Variants in CLSPN observed in about 807,000 individuals in gnomAD.
The protein encoded by CLSPN is claspin, also known as claspin homolog.
CLSPN carries 85 observed loss-of-function variants against 156.3 expected under a neutral mutation model. The observed-to-expected ratio is 0.54, with a 90% confidence interval of 0.46 to 0.65. CLSPN has a LOEUF of 0.65. Among genes scored for constraint, CLSPN ranks in the 30% least tolerant of loss-of-function variants. The pLI is 0.00. For missense variants in CLSPN, 1,407 were observed against 1,554.9 expected (o/e 0.90, Z 1.60); for synonymous variants, 534 against 542.4 (o/e 0.98, Z 0.22).
exon 25 of CLSPN, chr1:35,720,858 C>T: frequency 6.6e-7 from 1 of 1,508,088 alleles, no homozygotes; most frequent in Non-Finnish European, 9.2e-7. Flanking sequence ...AATAGCCCTT[C>T]TCCGCCTCTC....
At chr1:35,725,892 C>T (rs1641174697) in intron 24 of CLSPN, among the ~76,000 whole-genome samples, 1 of 152,026 alleles carries the variant, frequency 6.6e-6, no homozygotes, top group South Asian at 2.1e-4. Context: ...GGAAACATGG[C>T]CCCACAAATC....
Position 35,738,013 on chromosome 1 carries a change from C to A in CLSPN, c.3643G>T (p.Ala1215Ser). 2 of 1,491,448 alleles carry A rather than the reference C, an allele frequency of 1.3e-6. No homozygotes were observed. The highest frequency in any genetic ancestry group is 1.5e-5 in the South Asian group (1 of 67,692). The allele number at this position is 1,491,448 out of a possible 1,614,324, so 92.4% of individuals were successfully genotyped here. ...TCACCATTCTTCTGCAGTGCTTTGG[C>A]TGTAACTTTCTTGGCCAGTATCATA... ...QFMILAKKVT[A>S]KALQKNASRP... The change falls in exon 22 of 25, where the codon GCC becomes TCC. Residue 1215 changes from alanine (A) to serine (S), a missense_variant. By Grantham distance (99) the Ala-to-Ser change is moderately conservative (BLOSUM62 1). Around this residue, in one of 3 missense-constraint regions of CLSPN, gnomAD observed 241 missense variants for 240.5 expected, o/e 1.00. Transcript: ENST00000318121.
chr1:35,748,744 A>G (rs1049354077), intron 12 of CLSPN, 140 bp from the exon 13 acceptor site: 18 of 680,502 alleles, frequency 2.6e-5, no homozygotes, highest in African/African-American at 7.2e-5. Flanking sequence ...ACATTAAGTT[A>G]AAGGTAAATT....
chr1:35,726,152 C>CAAAAAAAAAAAAAAAAAAAAAAAAAAAAA lies in CLSPN; in HGVS notation c.3910-5173_3910-5172insTTTTTTTTTTTTTTTTTTTTTTTTTTTTT, dbSNP rs3041363. On this transcript the variant is annotated intron_variant, in intron 24 of 24. Coordinates refer to the CLSPN transcript ENST00000251195. ...ACACACCCATAGAAACAGATGCAGACAAAAAAAAAAAAAAAAAAAAAAAGC... is the reference window on the plus strand; with the variant it reads ...ACACACCCATAGAAACAGATGCAGACAAAAAAAAAAAAAAAAAAAAAAAAAAAAAAAAAAAAAAAAAAAAAAAAAAAAGC... Among the ~76,000 whole-genome samples, 28 of 48,204 alleles carry CAAAAAAAAAAAAAAAAAAAAAAAAAAAAA rather than the reference C, an allele frequency of 5.8e-4. 9 individuals carry two copies. The highest frequency in any genetic ancestry group is 3.3e-3 in the South Asian group (3 of 896). 31.6% of individuals were successfully genotyped at this position (48,204 alleles called of 152,430 possible).
At chr1:35,744,834 A>G (rs1348525310) in intron 16 of CLSPN, among the ~76,000 whole-genome samples, 1 of 151,980 alleles carries the variant, frequency 6.6e-6, no homozygotes. Flanking sequence ...TTATTTTGAG[A>G]CGGAGTTTTG....
Position 35,748,422 on chromosome 1 carries a change from C to G in CLSPN, c.2455G>C (p.Val819Leu), listed in dbSNP as rs1306593060. 6.2e-7 allele frequency: 1 copy of G among 1,613,870 alleles called. No individual in the cohort carries two copies. Among genetic ancestry groups the G allele is most frequent in the Non-Finnish European group, 8.5e-7 (1 of 1,179,932 alleles). Reference sequence around the variant, plus strand: ...CATCTTACCTTAGAAGCTGAGCTGACCAAACTGGCTCGAAATAGCCCAGGG... The same window carrying G: ...CATCTTACCTTAGAAGCTGAGCTGAGCAAACTGGCTCGAAATAGCCCAGGG... The part of the protein sequence containing the change: ...PSPGLFRASL[V>L]SSASKSSGKL... The change falls in exon 13 of 25, where the codon GTC (valine) becomes CTC (leucine). Residue 819 changes from valine (V) to leucine (L), a missense_variant. Val to Leu is a conservative substitution (Grantham distance 32). This residue lies in a region of CLSPN where 1,096 missense variants were observed against 1,193.0 expected (regional missense o/e 0.92). Coordinates refer to ENST00000318121, the MANE Select transcript of CLSPN (RefSeq NM_022111.4).
chr1:35,740,722 A>G (rs920080487), intron 18 of CLSPN, among the ~76,000 whole-genome samples: 1 of 152,020 alleles, frequency 6.6e-6, no homozygotes, highest in Non-Finnish European at 1.5e-5. Flanking sequence ...CCCAGCCTAT[A>G]CTGTATTTTC....
At chr1:35,740,250 C>G (rs780326282) in intron 18 of CLSPN, among the ~76,000 whole-genome samples, 3 of 152,096 alleles carry the variant, frequency 2.0e-5, no homozygotes, top group Non-Finnish European at 4.4e-5. Flanking sequence ...AGGCTCAGAG[C>G]TCCTGGTAAT....
Position 35,764,671 on chromosome 1 carries a change from C to G in CLSPN, c.177G>C (p.Arg59Ser), listed in dbSNP as rs139160020. 7.8e-5 allele frequency: 124 copies of G among 1,587,544 alleles called. No homozygotes were observed. The highest frequency in any genetic ancestry group is 1.0e-4 in the Non-Finnish European group (122 of 1,172,646). Residue 59 changes from arginine (R) to serine (S), a missense_variant, in exon 3 of 25, where the codon AGG becomes AGC. By Grantham distance (110) the Arg-to-Ser change is moderately radical (BLOSUM62 -1). Around this residue, in one of 3 missense-constraint regions of CLSPN, gnomAD observed 1,096 missense variants for 1,193.0 expected, o/e 0.92. Transcript: ENST00000318121. ...EIFVSKKLKNRKVLQDSDSET... is the reference protein window; with the variant it reads ...EIFVSKKLKNSKVLQDSDSET... ...CGGAATCACTGTCTTGTAGAACCTT[C>G]CTGTTTTTCAACTTCTTACTTACAA...
Position 35,747,030 on chromosome 1 carries a change from T to C in CLSPN, c.2628-38A>G, listed in dbSNP as rs1436296249. ...GAGCACAACGAATAGTGTAAAAAAT[T>C]CCTCAGAGAGGGCCGGGTGCGGTAG... On this transcript the variant is annotated intron_variant, in intron 14 of 24. Coordinates refer to ENST00000318121, the MANE Select transcript of CLSPN (RefSeq NM_022111.4). 1.9e-6 allele frequency: 3 copies of C among 1,550,502 alleles called. No homozygotes were observed. The Admixed American group carries it at 5.0e-5, about 26-fold the overall frequency.
chr1:35,742,348 A>G lies in CLSPN; in HGVS notation c.3143+793T>C, dbSNP rs907745530. ...TTCCTTCAACTGTAAAATGAGGAGAATAATAGTACCCACTCATAAGATAAT... is the reference window on the plus strand; with the variant it reads ...TTCCTTCAACTGTAAAATGAGGAGAGTAATAGTACCCACTCATAAGATAAT... On this transcript the variant is annotated intron_variant, in intron 18 of 24. Transcript: ENST00000318121. 4.6e-5 allele frequency among the ~76,000 whole-genome samples: 7 copies of G among 152,264 alleles called. No homozygotes were observed. In the South Asian group the frequency reaches 1.4e-3, roughly 32 times the overall value.
intron 20 of CLSPN, among the ~76,000 whole-genome samples, 182 bp from the exon 21 acceptor site, chr1:35,738,764 A>T (rs1003779397): frequency 1.3e-5 from 2 of 150,614 alleles, no homozygotes; most frequent in Admixed American, 1.3e-4. Context: ...GCCATTTGCC[A>T]TCTGAAACTC....
chr1:35,739,166 G>A lies in CLSPN; in HGVS notation c.3400C>T (p.Arg1134Ter). The change falls in exon 20 of 25, where the codon CGA becomes TGA. Residue 1134 changes from arginine (R) to a stop codon, truncating the protein, a stop_gained. Coordinates refer to ENST00000318121, the MANE Select transcript of CLSPN (RefSeq NM_022111.4). LOFTEE classifies it high-confidence loss of function. ...TTTTTCCATCGAAACTTCCTCATTCGCCCAGGACCATCGCTGTGCAGATCC... is the reference window on the plus strand; with the variant it reads ...TTTTTCCATCGAAACTTCCTCATTCACCCAGGACCATCGCTGTGCAGATCC... ...DGDLHSDGPG[R>*]MRKFRWKNID... is the part of the protein sequence containing the mutation. The A allele has an allele frequency of 6.2e-7, 1 of 1,613,984 alleles. No homozygotes were observed. Among genetic ancestry groups the A allele is most frequent in the Admixed American group, 1.7e-5 (1 of 60,002 alleles).
Position 35,751,440 on chromosome 1 carries a change from C to T in CLSPN, c.1838G>A (p.Arg613His), listed in dbSNP as rs758623904. 13 of 1,614,110 alleles carry T rather than the reference C, an allele frequency of 8.1e-6. No individual in the cohort carries two copies. Among genetic ancestry groups the T allele is most frequent in the Admixed American group, 1.7e-5 (1 of 60,022 alleles). The change falls in exon 10 of 25, where the codon CGC becomes CAC. Residue 613 changes from arginine to histidine, a missense_variant. Coordinates refer to ENST00000318121, the MANE Select transcript of CLSPN (RefSeq NM_022111.4). The part of the protein sequence containing the change: ...EAMKLRRFEE[R>H]QKRQALFKLD... ...TTTAAACAGTGCTTGGCGCTTCTGG[C>T]GCTCCTCAAACCTTCGGAGTTTCAT... is the stretch of plus-strand genomic sequence containing the variant.
In CLSPN at chr1:35,769,927, C is replaced by G. The variant is rs1642812241; in HGVS notation, c.-57G>C. 6.3e-6 allele frequency: 10 copies of G among 1,591,484 alleles called. No homozygotes were observed. Among genetic ancestry groups the G allele is most frequent in the South Asian group, 2.2e-5 (2 of 89,044 alleles). Reference sequence around the variant, plus strand: ...CGGAGCTGTCTCTGATTCCCTCAGCCGGAGAGCAGCGGCTCCCGCCGTCTC... The same window carrying G: ...CGGAGCTGTCTCTGATTCCCTCAGCGGGAGAGCAGCGGCTCCCGCCGTCTC... On this transcript the variant is annotated 5_prime_UTR_variant, in exon 1 of 25. Coordinates refer to ENST00000318121, the MANE Select transcript of CLSPN (RefSeq NM_022111.4).
At chr1:35,739,674 C>T in intron 18 of CLSPN, 145 bp from the exon 19 acceptor site, 1 of 596,048 alleles carries the variant, frequency 1.7e-6, no homozygotes, top group Non-Finnish European at 2.8e-6. Flanking sequence ...TAATAGTCTC[C>T]ACTTATGATG....
rs1434456920 is a variant in CLSPN at position 35,753,934 on chromosome 1, G to T, written c.1582C>A (p.Leu528Met). 2.5e-6 allele frequency: 4 copies of T among 1,613,794 alleles called. No individual in the cohort carries two copies. The highest frequency in any genetic ancestry group is 3.4e-6 in the Non-Finnish European group (4 of 1,179,846). Reference protein sequence around the residue: ...VILEPETNRELEALKQRFWKH... With the variant: ...VILEPETNREMEALKQRFWKH... ...CAGAAACGCTGCTTCAAGGCTTCCAGTTCTAAACCCAAACGCCAACCAGTG... is the reference window on the plus strand; with the variant it reads ...CAGAAACGCTGCTTCAAGGCTTCCATTTCTAAACCCAAACGCCAACCAGTG... Residue 528 changes from leucine to methionine, a missense_variant and splice_region_variant, in exon 9 of 25, where the codon CTG becomes ATG. Coordinates refer to ENST00000318121, the MANE Select transcript of CLSPN (RefSeq NM_022111.4).
At chr1:35,740,046 T>C (rs1641639330) in intron 18 of CLSPN, among the ~76,000 whole-genome samples, 1 of 152,162 alleles carries the variant, frequency 6.6e-6, no homozygotes, top group Non-Finnish European at 1.5e-5. Flanking sequence ...GATTGGGTGA[T>C]TTGAAAGCCA....
Position 35,769,914 on chromosome 1 carries a change from T to A in CLSPN, c.-44A>T, listed in dbSNP as rs750131235. ...GCTCCACTAGGGACGGAGCTGTCTCTGATTCCCTCAGCCGGAGAGCAGCGG... is the reference window on the plus strand; with the variant it reads ...GCTCCACTAGGGACGGAGCTGTCTCAGATTCCCTCAGCCGGAGAGCAGCGG... On this transcript the variant is annotated 5_prime_UTR_variant, in exon 1 of 25. Coordinates refer to ENST00000318121, the MANE Select transcript of CLSPN (RefSeq NM_022111.4). The A allele has an allele frequency of 5.0e-6, 8 of 1,603,554 alleles. No individual in the cohort carries two copies. Among genetic ancestry groups the A allele is most frequent in the African/African-American group, 4.0e-5 (3 of 74,466 alleles).
Sources: gnomAD v4.1 joint callset for allele counts (sites outside exome capture counted in the v4.1 genomes callset) on GRCh38, gnomAD v4.1.1 for gene constraint, gnomAD v4.1.1 regional missense constraint, MANE v1.5 for transcripts, NCBI Gene and HGNC (gene_info 2026-07-23, HGNC 2026-07-21) for gene names.